Variants in SPO11 observed in about 807,000 individuals in gnomAD.
SPO11 encodes the protein SPO11 initiator of meiotic double strand breaks.
Under a neutral mutation model 51.6 loss-of-function variants are expected in SPO11, and 49 were observed. That is an observed-to-expected ratio of 0.95 (90% CI 0.75 to 1.20). SPO11 has a LOEUF of 1.20. Among genes scored for constraint, SPO11 ranks in the 50% most tolerant of loss-of-function variants. The pLI, the probability that SPO11 is intolerant of heterozygous loss-of-function variation, is 0.00. For missense variants in SPO11, 431 were observed against 473.4 expected (o/e 0.91, Z 0.83); for synonymous variants, 176 against 158.2 (o/e 1.11, Z -0.84).
chr20:57,333,311 G>C, intron 3 of SPO11, 35 bp downstream of exon 3: 2 of 1,481,454 alleles, frequency 1.4e-6, no homozygotes, highest in Non-Finnish European at 9.2e-7. Context: ...GGTAATAAAG[G>C]ATAAATAAAT....
At position 57,340,136 on chromosome 20, in the gene SPO11, C is replaced by T; in HGVS notation, c.917C>T (p.Pro306Leu). The T allele has an allele frequency of 1.2e-6, 2 of 1,612,742 alleles. No individual in the cohort carries two copies. The highest frequency in any genetic ancestry group is 1.7e-6 in the Non-Finnish European group (2 of 1,178,836). ...TTTGAAGCTCATCATCTCACAGTTC[C>T]AGCTATTAGATGGCTTGGTCTTCTC... The part of the protein sequence containing the change: ...MSFEAHHLTV[P>L]AIRWLGLLPS... Residue 306 changes from proline to leucine, a missense_variant, in exon 11 of 13, where the codon CCA becomes CTA. By Grantham distance (98) the Pro-to-Leu change is moderately conservative. Coordinates refer to ENST00000371263, the MANE Select transcript of SPO11 (RefSeq NM_012444.3).
intron 8 of SPO11, among the ~76,000 whole-genome samples, chr20:57,336,652 G>A (rs947047036): frequency 6.6e-6 from 1 of 152,282 alleles, no homozygotes; most frequent in African/African-American, 2.4e-5. Flanking sequence ...CTCTCAAGAA[G>A]AGGCTGGGAC....
At chr20:57,341,012 AT>A (rs577111328) in intron 11 of SPO11, among the ~76,000 whole-genome samples, 19 of 152,158 alleles carry the variant, frequency 1.2e-4, no homozygotes, top group Non-Finnish European at 2.2e-4. Flanking sequence ...ACCTTTGTAG[AT>A]TTTTTTTCTG....
chr20:57,339,119 G>T (rs1210924532), intron 10 of SPO11, 93 bp downstream of exon 10: 2 of 807,242 alleles, frequency 2.5e-6, no homozygotes. Context: ...CCCCAAGCAG[G>T]CTGAGAGTGC....
At chr20:57,333,609 T>G in intron 3 of SPO11, 78 bp from the exon 4 acceptor site, 1 of 830,420 alleles carries the variant, frequency 1.2e-6, no homozygotes, top group South Asian at 1.5e-5. Flanking sequence ...AAAATTAAGT[T>G]AAAATCCTTG....
chr20:57,333,263 A>G lies in SPO11; in HGVS notation c.321A>G (p.Ser107=). ...AGATCAAAAGTGATTCACCAAAATCAGCTCAAAAATTTTGTAAGTTAATTG... is the reference window on the plus strand; with the variant it reads ...AGATCAAAAGTGATTCACCAAAATCGGCTCAAAAATTTTGTAAGTTAATTG... ...TRKIKSDSPK[S]AQKFSLILKI... The change falls in exon 3 of 13, where the codon TCA becomes TCG. Residue 107 remains serine, a synonymous_variant. Transcript: ENST00000371263. 6.2e-7 allele frequency: 1 copy of G among 1,605,476 alleles called. No individual in the cohort carries two copies. Among genetic ancestry groups the G allele is most frequent in the Non-Finnish European group, 8.5e-7 (1 of 1,177,630 alleles).
rs185793420 is a variant in SPO11, at chr20:57,341,236, C to T, written c.959+1058C>T. Among the ~76,000 whole-genome samples, 129 of 152,290 alleles carry T rather than the reference C, an allele frequency of 8.5e-4. No individual in the cohort carries two copies. The Middle Eastern group carries it at 0.034, about 40-fold the overall frequency. On this transcript the variant is annotated intron_variant, in intron 11 of 12. Transcript: ENST00000371263. Reference sequence around the variant, plus strand: ...AGCCATTTAAGTGGTTTCCAAATCTCTATTCTGATAGGTCGTGCTTTGATG... The same window carrying T: ...AGCCATTTAAGTGGTTTCCAAATCTTTATTCTGATAGGTCGTGCTTTGATG...
At chr20:57,330,026 G>T in intron 1 of SPO11, 28 bp downstream of exon 1, 1 of 1,550,428 alleles carries the variant, frequency 6.4e-7, no homozygotes. Context: ...GAGGCGCGAC[G>T]CAGCCACTCT....
chr20:57,339,599 A>C (rs1004795003), intron 10 of SPO11, among the ~76,000 whole-genome samples: 1 of 152,208 alleles, frequency 6.6e-6, no homozygotes, highest in African/African-American at 2.4e-5. Context: ...TGCATGGTGA[A>C]ATTTATAGCA....
intron 12 of SPO11, 119 bp from the exon 13 acceptor site, chr20:57,343,222 C>T: frequency 8.5e-7 from 1 of 1,177,958 alleles, no homozygotes; most frequent in South Asian, 1.4e-5. Context: ...TTCTGGCTGA[C>T]CCTTAAGACT....
intron 8 of SPO11, chr20:57,337,898 T>G: frequency 1.8e-6 from 1 of 555,732 alleles, no homozygotes; most frequent in Non-Finnish European, 2.7e-6. Flanking sequence ...ATTATTATTA[T>G]GATTTTGAGG....
intron 2 of SPO11, 79 bp downstream of exon 2, chr20:57,332,025 TA>T: frequency 2.2e-6 from 2 of 892,976 alleles, no homozygotes; most frequent in South Asian, 2.4e-5. Flanking sequence ...GTTCTGGTCA[TA>T]TTTTTTTCAT....
intron 3 of SPO11, 39 bp downstream of exon 3, chr20:57,333,315 A>G (rs1478936349): frequency 6.8e-7 from 1 of 1,462,054 alleles, no homozygotes; most frequent in South Asian, 1.3e-5. Context: ...ATAAAGGATA[A>G]ATAAATTTTG....
In SPO11 at chr20:57,343,321, C is replaced by T. The variant is rs6099560; in HGVS notation, c.1072-20C>T. ...GCAACTAAGAACTCTGGTATGAGTACATTTTACTTTTATTGACAGATGGAA... is the reference window on the plus strand; with the variant it reads ...GCAACTAAGAACTCTGGTATGAGTATATTTTACTTTTATTGACAGATGGAA... On this transcript the variant is annotated intron_variant, in intron 12 of 12. Transcript: ENST00000371263. The T allele has an allele frequency of 0.026, 41,784 of 1,602,350 alleles. 773 individuals carry two copies. The highest frequency in any genetic ancestry group is 0.089 in the African/African-American group (6,611 of 74,188).
rs765122452 is a variant in SPO11, at chr20:57,334,782, C to T, written c.543C>T (p.Asn181=). Residue 181 remains asparagine (N), a synonymous_variant, in exon 6 of 13, where the codon AAC becomes AAT. Coordinates refer to ENST00000371263, the MANE Select transcript of SPO11 (RefSeq NM_012444.3). The part of the protein sequence containing the change: ...LSTSKGLIAG[N]LRYIEEDGTK... ...CATCAAAAGGTTTAATTGCTGGCAA[C>T]TTAAGATACATCGAGGAAGATGGCA... 8.1e-6 allele frequency: 13 copies of T among 1,613,736 alleles called. No individual in the cohort carries two copies. The Admixed American group carries it at 2.2e-4, about 27-fold the overall frequency.
intron 12 of SPO11, among the ~76,000 whole-genome samples, chr20:57,343,089 T>TCA (rs967995206): frequency 2.0e-5 from 3 of 152,126 alleles, no homozygotes; most frequent in Admixed American, 6.6e-5. Context: ...GGCTGTATCA[T>TCA]AGTTTGTGGG....
chr20:57,338,427 G>T, intron 9 of SPO11, 52 bp downstream of exon 9: 12 of 1,260,912 alleles, frequency 9.5e-6, no homozygotes, highest in African/African-American at 1.5e-5. Context: ...AATCATATTT[G>T]TTGTTGTGTT....
chr20:57,340,185 T>C lies in SPO11; in HGVS notation c.959+7T>C. ...TCCCTTCTGATCTTAAAAGGTTAGA[T>C]AGTATAGCAGAACTAGGATATTTAA... On this transcript the variant is annotated splice_region_variant and intron_variant, in intron 11 of 12. Transcript: ENST00000371263. 3.2e-6 allele frequency: 5 copies of C among 1,568,764 alleles called. No homozygotes were observed. Among genetic ancestry groups the C allele is most frequent in the Non-Finnish European group, 4.4e-6 (5 of 1,138,764 alleles).
At chr20:57,335,521 T>C in intron 7 of SPO11, 66 bp downstream of exon 7, 1 of 1,505,138 alleles carries the variant, frequency 6.6e-7, no homozygotes, top group African/African-American at 1.4e-5. Flanking sequence ...ATTCCTTTGG[T>C]AAGCCAAGCC....
Sources: allele counts gnomAD v4.1 joint callset (sites outside exome capture counted in the v4.1 genomes callset), GRCh38; gene constraint gnomAD v4.1.1; transcripts MANE v1.5; gene names NCBI Gene and HGNC (gene_info 2026-07-23, HGNC 2026-07-21).